The following VDAC1 variants were observed in gnomAD, a reference collection of about 807,000 sequenced individuals.
VDAC1 encodes the protein voltage dependent anion channel 1.
VDAC1 carries 10 observed loss-of-function variants against 34.7 expected under a neutral mutation model. That is an observed-to-expected ratio of 0.29 (90% confidence interval 0.18 to 0.49). The LOEUF is 0.49. VDAC1 is among the 20% of genes least tolerant of loss of function. The pLI is 0.99. For synonymous variants in VDAC1, 130 were observed against 136.0 expected (o/e 0.96, Z 0.30); for missense variants, 230 against 347.9 (o/e 0.66, Z 2.69).
At chr5:134,110,349 A>G in the VDAC1 span, among the ~76,000 whole-genome samples, 57 of 152,302 alleles carry the variant, frequency 3.7e-4, no homozygotes, top group African/African-American at 1.3e-3. Flanking sequence ...TTCCTTATGA[A>G]GAAAGAACTG....
the VDAC1 span, among the ~76,000 whole-genome samples, chr5:134,090,393 G>C: frequency 6.6e-6 from 1 of 152,210 alleles, no homozygotes; most frequent in Non-Finnish European, 1.5e-5. Context: ...CAAATCCCCA[G>C]ATGGGAAGGG....
At chr5:134,000,244 G>A (rs4496755) in intron 1 of VDAC1, among the ~76,000 whole-genome samples, 22,835 of 152,188 alleles carry the variant, frequency 0.15, 1,890 homozygotes, top group East Asian at 0.32. Context: ...GCAGGTCTGC[G>A]TACCCAATGC....
the VDAC1 span, among the ~76,000 whole-genome samples, chr5:134,074,298 C>T: frequency 5.7e-5 from 8 of 140,378 alleles, no homozygotes; most frequent in Non-Finnish European, 1.1e-4. Flanking sequence ...GAGCCAGACT[C>T]CATCTCAAAA....
intron 1 of VDAC1, among the ~76,000 whole-genome samples, chr5:134,002,909 T>C (rs886757410): frequency 6.6e-6 from 1 of 150,916 alleles, no homozygotes; most frequent in African/African-American, 2.4e-5. Context: ...GAAGCTGCCA[T>C]GAGCCGTTAT....
At chr5:133,983,873 ACT>A (rs147008118) in intron 5 of VDAC1, among the ~76,000 whole-genome samples, 22,670 of 150,608 alleles carry the variant, frequency 0.15, 1,867 homozygotes, top group East Asian at 0.32. Context: ...CCTCCCCACC[ACT>A]CTCTCTCTCT....
chr5:133,981,345 A>G (rs867975938), intron 5 of VDAC1, among the ~76,000 whole-genome samples: 1 of 152,246 alleles, frequency 6.6e-6, no homozygotes. Flanking sequence ...GAAAAGATTT[A>G]TCTGCCATGA....
chr5:134,085,161 C>T, the VDAC1 span, among the ~76,000 whole-genome samples: 14 of 152,068 alleles, frequency 9.2e-5, no homozygotes, highest in African/African-American at 2.9e-4. Context: ...CTCCGCCTCC[C>T]GGGTTCACGC....
the VDAC1 span, among the ~76,000 whole-genome samples, chr5:134,071,125 C>A: frequency 3.3e-5 from 5 of 152,224 alleles, no homozygotes; most frequent in Non-Finnish European, 5.9e-5. The surrounding 1 kb of genome is among the most constrained non-coding windows in gnomAD (Gnocchi z 4.1). Flanking sequence ...CTCGACCCCG[C>A]GACCCCGGAG....
At chr5:133,976,277 G>GCA in intron 6 of VDAC1, 2 of 376,036 alleles carry the variant, frequency 5.3e-6, no homozygotes, top group South Asian at 3.3e-5. Flanking sequence ...AGGCCGAGAT[G>GCA]GGCAGATCAC....
the VDAC1 span, among the ~76,000 whole-genome samples, chr5:134,013,484 C>T: frequency 3.9e-5 from 6 of 152,096 alleles, no homozygotes; most frequent in Admixed American, 2.0e-4. Context: ...CCTAATTAAA[C>T]TTAAGAGCTT....
At chr5:134,010,118 T>C in the VDAC1 span, among the ~76,000 whole-genome samples, 1 of 152,214 alleles carries the variant, frequency 6.6e-6, no homozygotes, top group East Asian at 1.9e-4. Flanking sequence ...TTAGGCTATA[T>C]GCGATCAGAA....
At chr5:134,048,759 C>T in the VDAC1 span, among the ~76,000 whole-genome samples, 114 of 152,086 alleles carry the variant, frequency 7.5e-4, no homozygotes, top group Admixed American at 1.9e-3. Flanking sequence ...TAGTCCTTAT[C>T]CCCCGCCGGG....
chr5:134,016,151 G>A, the VDAC1 span, among the ~76,000 whole-genome samples: 7 of 152,206 alleles, frequency 4.6e-5, no homozygotes, highest in East Asian at 3.8e-4. Flanking sequence ...AAAATCAAAC[G>A]ATCAGGAAAG....
chr5:134,056,047 T>C, the VDAC1 span, among the ~76,000 whole-genome samples: 1 of 151,974 alleles, frequency 6.6e-6, no homozygotes, highest in African/African-American at 2.4e-5. Context: ...GAGACCAGCC[T>C]GGCCAATATG....
the VDAC1 span, among the ~76,000 whole-genome samples, chr5:134,031,462 G>T: frequency 6.6e-6 from 1 of 152,272 alleles, no homozygotes; most frequent in East Asian, 1.9e-4. Context: ...GGCCCTAAAT[G>T]CAATCACAAG....
the VDAC1 span, among the ~76,000 whole-genome samples, chr5:134,048,215 G>A: frequency 6.6e-6 from 1 of 152,066 alleles, no homozygotes; most frequent in Admixed American, 6.5e-5. Context: ...TGATCTGCCT[G>A]CCTCGGCCTC....
intron 3 of VDAC1, among the ~76,000 whole-genome samples, chr5:133,992,056 GA>G (rs1410233073): frequency 1.3e-5 from 2 of 152,102 alleles, no homozygotes; most frequent in African/African-American, 2.4e-5. Context: ...GACCAACATG[GA>G]AAAACCCCGT....
the VDAC1 span, among the ~76,000 whole-genome samples, chr5:134,013,347 A>T: frequency 6.6e-6 from 1 of 152,194 alleles, no homozygotes; most frequent in Non-Finnish European, 1.5e-5. Context: ...AGGTGGGAGG[A>T]TCACTTGAGT....
At chr5:134,062,879 G>A in the VDAC1 span, among the ~76,000 whole-genome samples, 4 of 145,956 alleles carry the variant, frequency 2.7e-5, no homozygotes, top group Admixed American at 6.8e-5. Context: ...TGCCCTCCTC[G>A]GCCTCCCAAA....
Sources: gnomAD v4.1 joint callset for allele counts (sites outside exome capture counted in the v4.1 genomes callset) on GRCh38, gnomAD v4.1.1 for gene constraint, Gnocchi (gnomAD v3.1) non-coding constraint, MANE v1.5 for transcripts, NCBI Gene and HGNC (gene_info 2026-07-23, HGNC 2026-07-21) for gene names.